Variants in GCNT2 observed in about 807,000 individuals in gnomAD.
The protein encoded by GCNT2 is N-acetyllactosaminide beta-1,6-N-acetylglucosaminyl-transferase.
Under a neutral mutation model 34.2 loss-of-function variants are expected in GCNT2, and 34 were observed. The observed-to-expected ratio is 1.00, with a 90% CI of 0.76 to 1.32. The LOEUF is 1.32. Ranked by LOEUF, GCNT2 falls within the 40% of genes most tolerant of loss-of-function variation. The pLI, the probability that GCNT2 is intolerant of heterozygous loss-of-function variation, is 0.00. For synonymous variants in GCNT2, 212 were observed against 188.0 expected (o/e 1.13, Z -1.04); for missense variants, 584 against 489.4 (o/e 1.19, Z -1.82).
chr6:10,626,968 C>G lies in GCNT2; in HGVS notation c.*361C>G. On this transcript the variant is annotated 3_prime_UTR_variant, in exon 5 of 5. Transcript: ENST00000495262. ...AAAAGAGAATTGTAGATAATACTGTCTAGGAAAATAAGAATTAGGTTTCTT... is the reference window on the plus strand; with the variant it reads ...AAAAGAGAATTGTAGATAATACTGTGTAGGAAAATAAGAATTAGGTTTCTT... The G allele has an allele frequency of 4.3e-6, 1 of 231,416 alleles. No individual in the cohort carries two copies. The highest frequency in any genetic ancestry group is 6.8e-5 in the South Asian group (1 of 14,642). 14.3% of individuals were successfully genotyped at this position (231,416 alleles called of 1,614,324 possible).
At chr6:10,564,777 G>A (rs1447867791) in intron 3 of GCNT2, among the ~76,000 whole-genome samples, 1 of 152,170 alleles carries the variant, frequency 6.6e-6, no homozygotes, top group African/African-American at 2.4e-5. Flanking sequence ...TCATCTATAA[G>A]ATGGATATTC....
rs1766322251 is a variant in GCNT2, at chr6:10,627,669, T to C, written c.*1062T>C. 1 of 152,186 alleles carries C rather than the reference T, an allele frequency of 6.6e-6. No individual in the cohort carries two copies. Among genetic ancestry groups the C allele is most frequent in the South Asian group, 2.1e-4 (1 of 4,830 alleles). The allele number at this position is 152,186 out of a possible 1,614,324, so 9.4% of individuals were successfully genotyped here. On this transcript the variant is annotated 3_prime_UTR_variant, in exon 5 of 5. Transcript: ENST00000495262. ...TTGAGTGTCTATTATGTACAGGACA[T>C]GTACTGAGACAAAAAGGAAACATAA...
At chr6:10,607,242 C>A (rs1765360213) in intron 3 of GCNT2, among the ~76,000 whole-genome samples, 2 of 152,146 alleles carry the variant, frequency 1.3e-5, no homozygotes, top group Non-Finnish European at 2.9e-5. Context: ...CTCACAGTTC[C>A]ACAGGCTGTA....
At chr6:10,582,857 C>T (rs141543248) in intron 3 of GCNT2, among the ~76,000 whole-genome samples, 1 of 152,042 alleles carries the variant, frequency 6.6e-6, no homozygotes, top group Non-Finnish European at 1.5e-5. Context: ...TACCAGGTGC[C>T]CGGATTCTTG....
At chr6:10,539,181 T>C (rs1024178003) in intron 3 of GCNT2, among the ~76,000 whole-genome samples, 1 of 67,562 alleles carries the variant, frequency 1.5e-5, no homozygotes, top group African/African-American at 8.5e-5. Context: ...TCACCGTCTC[T>C]TTTTTTTTTT....
intron 3 of GCNT2, among the ~76,000 whole-genome samples, chr6:10,540,236 T>C (rs1023849546): frequency 1.2e-4 from 18 of 152,144 alleles, no homozygotes; most frequent in African/African-American, 4.3e-4. Flanking sequence ...CTGTCTGTAG[T>C]CTTGTACCAG....
chr6:10,565,667 ATCTACCTTTC>A (rs770785331), intron 3 of GCNT2, among the ~76,000 whole-genome samples: 1 of 152,214 alleles, frequency 6.6e-6, no homozygotes, highest in Non-Finnish European at 1.5e-5. Context: ...TCTTGAAGAA[ATCTACCTTTC>A]TCTACCTACA....
intron 3 of GCNT2, among the ~76,000 whole-genome samples, chr6:10,548,829 G>T (rs1314842463): frequency 6.6e-6 from 1 of 151,930 alleles, no homozygotes; most frequent in African/African-American, 2.4e-5. Context: ...CGTGATCTCA[G>T]TTCACTTGCA....
At chr6:10,561,689 G>A (rs986424993) in intron 3 of GCNT2, among the ~76,000 whole-genome samples, 5 of 152,052 alleles carry the variant, frequency 3.3e-5, no homozygotes, top group Admixed American at 6.5e-5. Context: ...TTTTTCCCTC[G>A]CTGCACTAAG....
chr6:10,521,682 TTGTA>T (rs898495003), intron 1 of GCNT2: 2 of 151,992 alleles, frequency 1.3e-5, no homozygotes, highest in African/African-American at 4.8e-5. Flanking sequence ...AATAGCATGT[TTGTA>T]TGTTGTTTCA....
chr6:10,556,093 C>T (rs1762686887), intron 3 of GCNT2: 19 of 1,213,742 alleles, frequency 1.6e-5, no homozygotes, highest in South Asian at 1.8e-5. Flanking sequence ...CTAAATCTGC[C>T]GGGGGAAAGA....
chr6:10,539,687 G>A (rs1761950427), intron 3 of GCNT2, among the ~76,000 whole-genome samples: 1 of 152,060 alleles, frequency 6.6e-6, no homozygotes, highest in Non-Finnish European at 1.5e-5. Context: ...TGATTTTTGA[G>A]GTTTTAATGT....
chr6:10,611,548 C>T (rs1765556398), intron 3 of GCNT2, among the ~76,000 whole-genome samples: 2 of 152,016 alleles, frequency 1.3e-5, no homozygotes, highest in Admixed American at 6.5e-5. Context: ...CCAGGATGGT[C>T]TCGATCTCTT....
chr6:10,584,583 A>T (rs1242852329), intron 3 of GCNT2, among the ~76,000 whole-genome samples: 2 of 151,930 alleles, frequency 1.3e-5, no homozygotes, highest in African/African-American at 4.8e-5. Context: ...GTGGGGGGAA[A>T]CCTGGACAAT....
At chr6:10,531,032 C>T (rs1761461659) in intron 3 of GCNT2, among the ~76,000 whole-genome samples, 1 of 144,042 alleles carries the variant, frequency 6.9e-6, no homozygotes, top group Admixed American at 7.0e-5. Flanking sequence ...CCAGCGGAGA[C>T]TCTGTCTCAA....
In GCNT2 at chr6:10,529,759, C is replaced by T. The variant is rs1488229036; in HGVS notation, c.848C>T (p.Ala283Val). The T allele has an allele frequency of 6.2e-7, 1 of 1,614,162 alleles. No individual in the cohort carries two copies. The highest frequency in any genetic ancestry group is 8.5e-7 in the Non-Finnish European group (1 of 1,179,980). ...FANFVLQDQL[A>V]LDLLSWSKDT... is the part of the protein sequence containing the mutation. Reference sequence around the variant, plus strand: ...AACTTCGTCCTCCAAGACCAGCTCGCACTTGACTTACTCTCCTGGTCCAAG... The same window carrying T: ...AACTTCGTCCTCCAAGACCAGCTCGTACTTGACTTACTCTCCTGGTCCAAG... Residue 283 changes from alanine (A) to valine (V), a missense_variant, in exon 3 of 5, where the codon GCA becomes GTA. Ala to Val is a moderately conservative substitution (Grantham distance 64). Coordinates refer to ENST00000495262, the MANE Select transcript of GCNT2 (RefSeq NM_145649.5).
chr6:10,585,934 C>T (rs1581447509), intron 3 of GCNT2: 3 of 1,607,078 alleles, frequency 1.9e-6, no homozygotes, highest in African/African-American at 1.3e-5. Flanking sequence ...CCTCTCACAC[C>T]GATCATTTCT....
At chr6:10,536,202 T>G (rs946679101) in intron 3 of GCNT2, among the ~76,000 whole-genome samples, 1 of 152,112 alleles carries the variant, frequency 6.6e-6, no homozygotes, top group East Asian at 1.9e-4. Context: ...CAGAGGGAAT[T>G]GATATTCCCC....
At chr6:10,588,953 AGT>A (rs1200469923) in intron 3 of GCNT2, among the ~76,000 whole-genome samples, 8 of 102,464 alleles carry the variant, frequency 7.8e-5, no homozygotes, top group East Asian at 3.1e-4. Context: ...GTGTGTTTGT[AGT>A]GTGTGTGGTG....
Sources: gnomAD v4.1 joint callset for allele counts (sites outside exome capture counted in the v4.1 genomes callset) on GRCh38, gnomAD v4.1.1 for gene constraint, MANE v1.5 for transcripts, NCBI Gene and HGNC (gene_info 2026-07-23, HGNC 2026-07-21) for gene names.